SUFU: variants seen among roughly 807,000 people sequenced by gnomAD.
SUFU encodes suppressor of fused homolog.
In SUFU, 7 loss-of-function variants were observed where a neutral mutation model predicts 58.9. The observed-to-expected ratio is 0.12, with a 90% CI of 0.07 to 0.22. SUFU has a LOEUF of 0.22. SUFU is among the 10% of genes least tolerant of loss of function. The pLI is 1.00. For synonymous variants in SUFU, 232 were observed against 254.8 expected, an observed-to-expected ratio of 0.91 and a Z score of 0.85; for missense variants, 451 against 641.3, an observed-to-expected ratio of 0.70 and a Z score of 3.20.
At chr10:102,564,815 A>C (rs1384079718) in intron 3 of SUFU, among the ~76,000 whole-genome samples, 1 of 152,182 alleles carries the variant, frequency 6.6e-6, no homozygotes, top group Non-Finnish European at 1.5e-5. Context: ...GATCTGTGAA[A>C]TATTTTCACT....
At chr10:102,579,317 C>G (rs1490238059) in intron 3 of SUFU, among the ~76,000 whole-genome samples, 2 of 152,204 alleles carry the variant, frequency 1.3e-5, no homozygotes, top group Non-Finnish European at 2.9e-5. Context: ...CAGTCTATCT[C>G]TAGCTAGCGA....
chr10:102,593,749 G>A (rs754638119), intron 5 of SUFU, 28 bp downstream of exon 5: 10 of 1,603,756 alleles, frequency 6.2e-6, no homozygotes, highest in Non-Finnish European at 6.8e-6. Flanking sequence ...GTGGGAGCGC[G>A]GCTCCCTGGG....
chr10:102,572,277 T>C (rs2135805305), intron 3 of SUFU, among the ~76,000 whole-genome samples: 1 of 148,614 alleles, frequency 6.7e-6, no homozygotes, highest in East Asian at 2.0e-4. Context: ...GGTTTCATCA[T>C]GTTGGTCAGG....
intron 3 of SUFU, among the ~76,000 whole-genome samples, chr10:102,560,897 G>T (rs1055326753): frequency 1.3e-5 from 2 of 151,982 alleles, no homozygotes; most frequent in African/African-American, 4.8e-5. Flanking sequence ...GAGTGCAATG[G>T]CGCGATCTCG....
Position 102,619,212 on chromosome 10 carries a change from C to T in SUFU, c.1296+1784C>T, listed in dbSNP as rs1034620576. 4.4e-6 allele frequency: 7 copies of T among 1,579,542 alleles called. No individual in the cohort carries two copies. In the Admixed American group the frequency reaches 1.2e-4, roughly 28 times the overall value. ...CAGATGTCACATTGCCCCTCAGTCCCCTGAATGCCCTTCGGACCCAACCCC... is the reference window on the plus strand; with the variant it reads ...CAGATGTCACATTGCCCCTCAGTCCTCTGAATGCCCTTCGGACCCAACCCC... On this transcript the variant is annotated intron_variant, in intron 10 of 11. Coordinates refer to ENST00000369902, the MANE Select transcript of SUFU (RefSeq NM_016169.4). This position sits in a 1 kb window ranked among gnomAD's most constrained non-coding sequence, Gnocchi z 4.2.
chr10:102,538,922 T>G (rs2062770576), intron 2 of SUFU, among the ~76,000 whole-genome samples: 1 of 152,248 alleles, frequency 6.6e-6, no homozygotes, highest in African/African-American at 2.4e-5. Flanking sequence ...GCAGCCTGGC[T>G]TCAGAGACTG....
At chr10:102,556,569 C>T (rs147087763) in intron 3 of SUFU, among the ~76,000 whole-genome samples, 1 of 151,906 alleles carries the variant, frequency 6.6e-6, no homozygotes, top group East Asian at 1.9e-4. Flanking sequence ...ATGGAGAAAC[C>T]GTGTCTCTAC....
At chr10:102,520,023 C>T (rs559262689) in intron 2 of SUFU, among the ~76,000 whole-genome samples, 24 of 151,912 alleles carry the variant, frequency 1.6e-4, no homozygotes, top group Non-Finnish European at 2.2e-4. Context: ...CTGCCCACCT[C>T]GGCCTCCCAA....
intron 6 of SUFU, among the ~76,000 whole-genome samples, chr10:102,595,193 G>A (rs1590064433): frequency 1.3e-5 from 2 of 152,336 alleles, no homozygotes; most frequent in Admixed American, 1.3e-4. Flanking sequence ...GTTGCCGGGA[G>A]TTCCATGTGT....
chr10:102,583,895 G>A (rs754378855), intron 3 of SUFU, among the ~76,000 whole-genome samples: 1 of 152,086 alleles, frequency 6.6e-6, no homozygotes, highest in African/African-American at 2.4e-5. Flanking sequence ...TGTGATGTTC[G>A]GTTTGGGGTA....
intron 2 of SUFU, among the ~76,000 whole-genome samples, chr10:102,528,293 G>A (rs768924284): frequency 2.6e-5 from 4 of 152,084 alleles, no homozygotes; most frequent in Admixed American, 2.0e-4. Context: ...TATCTTGGCT[G>A]GTACAATGGC....
At chr10:102,614,660 G>A (rs1235080141) in intron 8 of SUFU, among the ~76,000 whole-genome samples, 2 of 151,900 alleles carry the variant, frequency 1.3e-5, no homozygotes, top group Non-Finnish European at 2.9e-5. Context: ...CAGATCACCT[G>A]AGGTCAGGAG....
chr10:102,541,890 T>C (rs1355442130), intron 2 of SUFU, among the ~76,000 whole-genome samples: 1 of 143,422 alleles, frequency 7.0e-6, no homozygotes, highest in Non-Finnish European at 1.5e-5. Context: ...TTTTTTTTTT[T>C]TTTTTTTTGA....
intron 2 of SUFU, among the ~76,000 whole-genome samples, chr10:102,527,750 A>G (rs1479625388): frequency 6.6e-6 from 1 of 151,158 alleles, no homozygotes; most frequent in Non-Finnish European, 1.5e-5. Flanking sequence ...CCCTTGGGGA[A>G]CTGAAATGCC....
At chr10:102,509,885 T>C (rs1205416287) in intron 2 of SUFU, among the ~76,000 whole-genome samples, 1 of 152,172 alleles carries the variant, frequency 6.6e-6, no homozygotes, top group Admixed American at 6.5e-5. Context: ...TCATCCAGGC[T>C]AGAGTGCAGT....
At chr10:102,605,735 A>T (rs1393830138) in intron 8 of SUFU, among the ~76,000 whole-genome samples, 2 of 152,030 alleles carry the variant, frequency 1.3e-5, no homozygotes, top group Non-Finnish European at 2.9e-5. Context: ...CTTTCTCTGG[A>T]AAGTTCAGAG....
Position 102,539,693 on chromosome 10 carries a change from G to A in SUFU, c.318-10277G>A, listed in dbSNP as rs190171888. The stretch of plus-strand genomic sequence containing the variant: ...CATTGATATTGAGATTTTACTGTAA[G>A]GAAGAGTCTTCTCCATATTTACTTA... On this transcript the variant is annotated intron_variant, in intron 2 of 11. Coordinates refer to ENST00000369902, the MANE Select transcript of SUFU (RefSeq NM_016169.4). Among the ~76,000 whole-genome samples, 8 of 152,192 alleles carry A rather than the reference G, an allele frequency of 5.3e-5. No individual in the cohort carries two copies. The East Asian group carries it at 1.4e-3, about 26-fold the overall frequency.
rs118033896 is a variant in SUFU at position 102,632,091 on chromosome 10, C to T, written c.*1936C>T. ...GCCTCTCCCTGAACTCTCTCTTGCT[C>T]GGGACCTGCCTGAGGGCTCCCTGCT... is the stretch of plus-strand genomic sequence containing the variant. On this transcript the variant is annotated 3_prime_UTR_variant, in exon 12 of 12. Coordinates refer to ENST00000369902, the MANE Select transcript of SUFU (RefSeq NM_016169.4). 7.9e-4 allele frequency: 184 copies of T among 233,394 alleles called. No homozygotes were observed. In the East Asian group the frequency reaches 9.7e-3, roughly 12 times the overall value. The allele number at this position is 233,394 out of a possible 1,614,324, so 14.5% of individuals were successfully genotyped here.
chr10:102,508,032 C>G (rs2062351666), intron 1 of SUFU, among the ~76,000 whole-genome samples: 3 of 141,506 alleles, frequency 2.1e-5, no homozygotes, highest in Non-Finnish European at 3.0e-5. Flanking sequence ...GTGGCGCAAT[C>G]TTGGCTCCCT....
Sources: allele counts gnomAD v4.1 joint callset (sites outside exome capture counted in the v4.1 genomes callset), GRCh38; gene constraint gnomAD v4.1.1; non-coding constraint Gnocchi (gnomAD v3.1); transcripts MANE v1.5; gene names NCBI Gene and HGNC (gene_info 2026-07-23, HGNC 2026-07-21).